The following ARMH4 variants were observed in gnomAD, a reference collection of about 807,000 sequenced individuals.
ARMH4 encodes armadillo like helical domain containing 4.
Under a neutral mutation model 61.9 loss-of-function variants are expected in ARMH4, and 49 were observed. The ratio of observed to expected loss-of-function variants is 0.79; its 90% CI spans 0.63 to 1.00. ARMH4 has a LOEUF of 1.00. ARMH4 is among the 50% of genes least tolerant of loss of function. ARMH4 has a pLI of 0.00. For missense variants in ARMH4, 934 were observed against 930.0 expected (o/e 1.00, Z -0.06); for synonymous variants, 368 against 341.5 (o/e 1.08, Z -0.85).
chr14:58,052,551 C>A (rs1228613575), intron 5 of ARMH4, among the ~76,000 whole-genome samples: 1 of 152,118 alleles, frequency 6.6e-6, no homozygotes. Flanking sequence ...TGAAACAGTC[C>A]TTTCCATTGG....
intron 1 of ARMH4, among the ~76,000 whole-genome samples, chr14:58,149,105 T>C (rs910108147): frequency 4.6e-5 from 7 of 152,220 alleles, no homozygotes; most frequent in Non-Finnish European, 8.8e-5. Flanking sequence ...ATTGTCTTAC[T>C]TTTTCTTTTT....
chr14:58,118,879 C>G (rs1434552075), intron 4 of ARMH4, among the ~76,000 whole-genome samples: 1 of 152,124 alleles, frequency 6.6e-6, no homozygotes, highest in Non-Finnish European at 1.5e-5. Context: ...TAATAGGAAA[C>G]AGGATTCCTC....
chr14:58,031,585 G>A (rs1005170588), intron 5 of ARMH4, among the ~76,000 whole-genome samples: 11 of 152,146 alleles, frequency 7.2e-5, no homozygotes, highest in African/African-American at 2.2e-4. Context: ...AGACTTGTGC[G>A]AGGTTTTATA....
rs887816399 is a variant in ARMH4, at chr14:58,012,438, G to A, written c.2090-288C>T. 2.6e-5 allele frequency among the ~76,000 whole-genome samples: 4 copies of A among 152,248 alleles called. 1 individual carries two copies. Among genetic ancestry groups the A allele is most frequent in the Middle Eastern group, 6.8e-3 (2 of 294 alleles). ...ATTAGTGGGGAGGTGTGGGCAAAGC[G>A]AAAATCACCTTTAAAATATCAAGTT... On this transcript the variant is annotated intron_variant, in intron 5 of 7. Transcript: ENST00000267485.
intron 6 of ARMH4, among the ~76,000 whole-genome samples, chr14:58,009,930 T>C (rs1028851159): frequency 3.9e-4 from 59 of 151,578 alleles, no homozygotes; most frequent in African/African-American, 1.2e-3. Flanking sequence ...AATCTTAATA[T>C]AGAAAGACTA....
intron 4 of ARMH4, among the ~76,000 whole-genome samples, chr14:58,098,604 A>G (rs1446010500): frequency 6.6e-6 from 1 of 152,228 alleles, no homozygotes; most frequent in Non-Finnish European, 1.5e-5. Context: ...TGTTTAATTT[A>G]AGTCAACATC....
At chr14:58,108,072 A>T (rs1342660214) in intron 4 of ARMH4, among the ~76,000 whole-genome samples, 1 of 152,170 alleles carries the variant, frequency 6.6e-6, no homozygotes, top group Non-Finnish European at 1.5e-5. Context: ...TTGGGCATCA[A>T]ATTGGGTGCA....
At chr14:58,014,127 T>G (rs975324854) in intron 5 of ARMH4, among the ~76,000 whole-genome samples, 22 of 152,224 alleles carry the variant, frequency 1.4e-4, no homozygotes, top group African/African-American at 5.1e-4. Flanking sequence ...ATACTACCAC[T>G]GTTCTGCTCC....
intron 4 of ARMH4, among the ~76,000 whole-genome samples, chr14:58,127,858 G>C (rs1027212015): frequency 6.6e-6 from 1 of 152,064 alleles, no homozygotes; most frequent in African/African-American, 2.4e-5. Context: ...GAAGAAGTGC[G>C]GGGGGTGGGA....
In ARMH4 at chr14:58,012,097, T is replaced by C. The variant is rs10141224; in HGVS notation, c.2121+22A>G. On this transcript the variant is annotated intron_variant, in intron 6 of 7. Transcript: ENST00000267485. ...CTATATGCCCCTAAAAATAAACCAATGGAAGAAAATACTTTTCTTACCTTG... is the reference window on the plus strand; with the variant it reads ...CTATATGCCCCTAAAAATAAACCAACGGAAGAAAATACTTTTCTTACCTTG... 3.0e-3 allele frequency: 4,404 copies of C among 1,463,770 alleles called. 118 individuals are homozygous for C. In the African/African-American group the frequency reaches 0.052, roughly 17 times the overall value. The allele number at this position is 1,463,770 out of a possible 1,614,324, so 90.7% of individuals were successfully genotyped here.
At chr14:58,009,177 C>T (rs1882293907) in intron 6 of ARMH4, among the ~76,000 whole-genome samples, 1 of 152,070 alleles carries the variant, frequency 6.6e-6, no homozygotes, top group South Asian at 2.1e-4. Flanking sequence ...CTGGGTACAA[C>T]CATGTGGTAA....
chr14:58,043,634 G>A (rs1365816407), intron 5 of ARMH4, among the ~76,000 whole-genome samples: 1 of 152,150 alleles, frequency 6.6e-6, no homozygotes, highest in African/African-American at 2.4e-5. Flanking sequence ...GAAATAAAGG[G>A]TATTCAATTA....
chr14:58,005,770 A>G (rs1182480772), intron 6 of ARMH4, among the ~76,000 whole-genome samples: 1 of 152,228 alleles, frequency 6.6e-6, no homozygotes, highest in Non-Finnish European at 1.5e-5. Context: ...CTGCAAAGGC[A>G]AGAGGAGGAA....
At chr14:58,004,913 A>G in intron 7 of ARMH4, 109 bp from the exon 8 acceptor site, 1 of 1,512,908 alleles carries the variant, frequency 6.6e-7, no homozygotes, top group Non-Finnish European at 9.1e-7. Context: ...GGCAGGAGCT[A>G]CAGCAGCTAA....
chr14:58,075,898 T>C (rs965024826), intron 5 of ARMH4, among the ~76,000 whole-genome samples: 11 of 152,290 alleles, frequency 7.2e-5, no homozygotes, highest in Non-Finnish European at 1.3e-4. Flanking sequence ...AGTTTCACTA[T>C]CTATATCTTA....
At chr14:58,049,737 G>A (rs1884070814) in intron 5 of ARMH4, among the ~76,000 whole-genome samples, 1 of 152,074 alleles carries the variant, frequency 6.6e-6, no homozygotes, top group Admixed American at 6.5e-5. Flanking sequence ...ATAAACAAAG[G>A]CATTAATTAG....
chr14:58,129,785 T>C (rs995879905), intron 4 of ARMH4, among the ~76,000 whole-genome samples: 1 of 152,150 alleles, frequency 6.6e-6, no homozygotes, highest in African/African-American at 2.4e-5. Flanking sequence ...CATTTACGAG[T>C]AAAAATGTGC....
chr14:58,050,638 T>C, intron 5 of ARMH4, among the ~76,000 whole-genome samples: 1 of 152,038 alleles, frequency 6.6e-6, no homozygotes, highest in East Asian at 1.9e-4. Context: ...TTCTGTTTTA[T>C]TGCTCTTGGT....
At chr14:58,093,541 G>A (rs533331463) in intron 5 of ARMH4, among the ~76,000 whole-genome samples, 1 of 152,144 alleles carries the variant, frequency 6.6e-6, no homozygotes, top group South Asian at 2.1e-4. Flanking sequence ...TTCCATGTAG[G>A]GTAATTTATT....
Sources: allele counts gnomAD v4.1 joint callset (sites outside exome capture counted in the v4.1 genomes callset), GRCh38; gene constraint gnomAD v4.1.1; transcripts MANE v1.5; gene names NCBI Gene and HGNC (gene_info 2026-07-23, HGNC 2026-07-21).